KAZN: variants seen among roughly 807,000 people sequenced by gnomAD.
The protein encoded by KAZN is kazrin.
In KAZN, 40 loss-of-function variants were observed where a neutral mutation model predicts 87.4. The observed-to-expected ratio is 0.46, with a 90% CI of 0.36 to 0.60. The LOEUF (loss-of-function observed/expected upper bound fraction) is 0.60, where lower values mean the gene tolerates loss of function less well. KAZN is among the 20% of genes least tolerant of loss of function. The pLI, the probability that KAZN is intolerant of heterozygous loss-of-function variation, is 0.00. For missense variants in KAZN, 898 were observed against 1,073.9 expected (o/e 0.84, Z 2.29); for synonymous variants, 466 against 458.3 (o/e 1.02, Z -0.22).
rs1325403518 is a variant in KAZN, at chr1:14,184,032, G to A, written c.249+3440G>A. Among the ~76,000 whole-genome samples the A allele has an allele frequency of 1.3e-5, 2 of 152,174 alleles. No homozygotes were observed. The highest frequency in any genetic ancestry group is 2.9e-5 in the Non-Finnish European group (2 of 68,036). ...CTGAATCGTTGGTATACCCTTCCCA[G>A]AGGTCCATCTCTAGGGATGAAAGTA... On this transcript the variant is annotated intron_variant, in intron 2 of 16. Transcript: ENST00000636203. This position sits in a 1 kb window ranked among gnomAD's most constrained non-coding sequence, Gnocchi z 4.2.
chr1:14,549,784 G>A (rs528383087), intron 2 of KAZN, among the ~76,000 whole-genome samples: 8 of 151,378 alleles, frequency 5.3e-5, no homozygotes, highest in Admixed American at 1.3e-4. Context: ...CACAAGGCCT[G>A]TATCCTGTCT....
At chr1:14,445,948 C>T (rs1267206017) in intron 2 of KAZN, among the ~76,000 whole-genome samples, 1 of 151,652 alleles carries the variant, frequency 6.6e-6, no homozygotes, top group Non-Finnish European at 1.5e-5. Flanking sequence ...TGTAACCCTG[C>T]ACTTTGGGAG....
chr1:13,925,786 A>G (rs1640248939), intron 1 of KAZN, among the ~76,000 whole-genome samples: 1 of 152,252 alleles, frequency 6.6e-6, no homozygotes, highest in African/African-American at 2.4e-5. Context: ...ACAGAGGCAG[A>G]GAGTCCAGGT....
At chr1:14,962,054 C>A (rs1663934192) in intron 2 of KAZN, among the ~76,000 whole-genome samples, 1 of 152,208 alleles carries the variant, frequency 6.6e-6, no homozygotes, top group Admixed American at 6.5e-5. Context: ...GGCCTTGTCC[C>A]AGCTAGGACT....
chr1:13,980,135 C>G (rs896821450), intron 1 of KAZN, among the ~76,000 whole-genome samples: 3 of 151,432 alleles, frequency 2.0e-5, no homozygotes, highest in Admixed American at 6.6e-5. Context: ...ACTGCTAAGA[C>G]AATAATGCAA....
intron 2 of KAZN, among the ~76,000 whole-genome samples, chr1:14,418,530 A>C (rs535483546): frequency 6.6e-6 from 1 of 151,374 alleles, no homozygotes; most frequent in Non-Finnish European, 1.5e-5. Flanking sequence ...TGCAAGGAAA[A>C]GAATATTGAA....
chr1:14,576,491 T>A (rs1332575261), intron 2 of KAZN, among the ~76,000 whole-genome samples: 1 of 152,152 alleles, frequency 6.6e-6, no homozygotes, highest in Non-Finnish European at 1.5e-5. Flanking sequence ...ATGGATGCAC[T>A]GATGGATGCA....
chr1:14,017,544 G>T (rs2101228922), intron 1 of KAZN, among the ~76,000 whole-genome samples: 1 of 152,298 alleles, frequency 6.6e-6, no homozygotes, highest in South Asian at 2.1e-4. Context: ...ACCTGCCCAA[G>T]GGCATCACGT....
At chr1:14,609,503 C>T (rs1029738583) in intron 1 of KAZN, among the ~76,000 whole-genome samples, 3 of 152,222 alleles carry the variant, frequency 2.0e-5, no homozygotes, top group African/African-American at 7.2e-5. Flanking sequence ...TTGGTTCTAC[C>T]ATGAGTCAAC....
At chr1:14,580,566 T>A (rs184884583) in intron 2 of KAZN, among the ~76,000 whole-genome samples, 1 of 152,192 alleles carries the variant, frequency 6.6e-6, no homozygotes, top group East Asian at 1.9e-4. Flanking sequence ...GTGGCTGACG[T>A]TAGTGGATAT....
intron 8 of KAZN, among the ~76,000 whole-genome samples, chr1:15,082,254 G>A (rs1488866998): frequency 1.3e-5 from 2 of 152,164 alleles, no homozygotes; most frequent in African/African-American, 4.8e-5. Flanking sequence ...TTGACCTCCA[G>A]GGAAGCCTGG....
intron 2 of KAZN, among the ~76,000 whole-genome samples, chr1:15,022,453 CTT>C (rs1252568053): frequency 1.2e-4 from 18 of 152,224 alleles, no homozygotes; most frequent in Non-Finnish European, 2.5e-4. Flanking sequence ...GCAAAAGGCA[CTT>C]ACCCAAGGTC....
At position 14,761,561 on chromosome 1, in the gene KAZN, C is replaced by T. The variant is rs527494069; in HGVS notation, c.226+162338C>T. On this transcript the variant is annotated intron_variant, in intron 1 of 14. Coordinates refer to ENST00000376030, the MANE Select transcript of KAZN (RefSeq NM_201628.3). ...GATCCTCCCGCCCTACTGCCCCCAA[C>T]CACTGTCTTCTGTAAGAAGAGTTTT... Among the ~76,000 whole-genome samples, 3 of 152,328 alleles carry T rather than the reference C, an allele frequency of 2.0e-5. No homozygotes were observed. In the East Asian group the frequency reaches 5.8e-4, roughly 29 times the overall value.
At chr1:14,840,516 G>C (rs1647835934) in intron 1 of KAZN, among the ~76,000 whole-genome samples, 1 of 152,238 alleles carries the variant, frequency 6.6e-6, no homozygotes, top group South Asian at 2.1e-4. Context: ...AGAAGATTAT[G>C]CTGCACACTG....
Position 15,066,765 on chromosome 1 carries a change from G to A in KAZN, c.1222+1012G>A, listed in dbSNP as rs1019503942. 47 of 985,178 alleles carry A rather than the reference G, an allele frequency of 4.8e-5. No homozygotes were observed. The highest frequency in any genetic ancestry group is 5.5e-5 in the Non-Finnish European group (46 of 829,948). The allele number at this position is 985,178 out of a possible 1,614,324, so 61.0% of individuals were successfully genotyped here. A position where few individuals can be genotyped will look rare whatever the true frequency, so the allele number is the denominator to read the frequency against. ...GTAGTTTAGGGTGGCCAGAACCCAG[G>A]GACCATTGGATTTCAAAGCTTGCTT... On this transcript the variant is annotated intron_variant, in intron 8 of 14. Transcript: ENST00000376030. The surrounding 1 kb of genome is among the most constrained non-coding windows in gnomAD (Gnocchi z 4.3).
Position 14,599,341 on chromosome 1 carries a change from T to G in KAZN, c.226+118T>G. 1 of 1,095,336 alleles carries G rather than the reference T, an allele frequency of 9.1e-7. No individual in the cohort carries two copies. The highest frequency in any genetic ancestry group is 1.2e-6 in the Non-Finnish European group (1 of 864,670). The allele number at this position is 1,095,336 out of a possible 1,614,324, so 67.9% of individuals were successfully genotyped here. A position where few individuals can be genotyped will look rare whatever the true frequency, so the allele number is the denominator to read the frequency against. On this transcript the variant is annotated intron_variant, in intron 1 of 14. Transcript: ENST00000376030. This position sits in a 1 kb window ranked among gnomAD's most constrained non-coding sequence, Gnocchi z 4.4. ...GGCGAAATCGCTTTGCATTCTGGCT[T>G]GTAACCCTTTCCGCCCGGCGGTGGC...
At chr1:13,972,280 T>TC (rs1013159684) in intron 1 of KAZN, among the ~76,000 whole-genome samples, 10 of 150,560 alleles carry the variant, frequency 6.6e-5, no homozygotes, top group East Asian at 3.9e-4. Context: ...TCTTTTCTTT[T>TC]TTTTTTTTTT....
At chr1:14,417,591 G>A (rs367767371) in intron 2 of KAZN, among the ~76,000 whole-genome samples, 1 of 152,168 alleles carries the variant, frequency 6.6e-6, no homozygotes, top group Non-Finnish European at 1.5e-5. Flanking sequence ...AGTCAAACCA[G>A]AGAAACAGGT....
intron 8 of KAZN, among the ~76,000 whole-genome samples, chr1:15,078,818 T>C (rs1045060662): frequency 6.6e-6 from 1 of 152,156 alleles, no homozygotes; most frequent in Non-Finnish European, 1.5e-5. Flanking sequence ...GTGCCAGTGT[T>C]CCCCTTGCCA....
Sources: gnomAD v4.1 joint callset for allele counts (sites outside exome capture counted in the v4.1 genomes callset) on GRCh38, gnomAD v4.1.1 for gene constraint, Gnocchi (gnomAD v3.1) non-coding constraint, MANE v1.5 for transcripts, NCBI Gene and HGNC (gene_info 2026-07-23, HGNC 2026-07-21) for gene names.